The following HOMER2 variants were observed in gnomAD, a reference collection of about 807,000 sequenced individuals.
HOMER2 encodes homer protein homolog 2.
In HOMER2, 27 loss-of-function variants were observed where a neutral mutation model predicts 47.0. The ratio of observed to expected loss-of-function variants is 0.57; its 90% CI spans 0.42 to 0.79. The LOEUF is 0.79. HOMER2 is among the 30% of genes least tolerant of loss of function. The pLI is 0.00. For synonymous variants in HOMER2, 161 were observed against 163.8 expected (o/e 0.98, Z 0.13); for missense variants, 443 against 435.0 (o/e 1.02, Z -0.16).
chr15:82,952,205 G>T, intron 1 of HOMER2: 1 of 282,242 alleles, frequency 3.5e-6, no homozygotes, highest in Non-Finnish European at 5.3e-6. Context: ...ACTGCGCCCA[G>T]GGGCGAAGAG....
chr15:82,920,218 T>C (rs1199772963), intron 1 of HOMER2, among the ~76,000 whole-genome samples: 2 of 152,196 alleles, frequency 1.3e-5, no homozygotes. Context: ...CGCCATTGTT[T>C]TGCTGTTGTA....
chr15:82,941,424 CAG>C (rs2054263040), intron 1 of HOMER2, among the ~76,000 whole-genome samples: 1 of 111,754 alleles, frequency 8.9e-6, no homozygotes, highest in Non-Finnish European at 1.7e-5. Context: ...GCCTGGGCGA[CAG>C]AGTGAGAGTC....
intron 5 of HOMER2, among the ~76,000 whole-genome samples, chr15:82,857,256 T>C (rs558766613): frequency 1.0e-3 from 154 of 152,190 alleles, no homozygotes; most frequent in Non-Finnish European, 1.7e-3. Flanking sequence ...CTGTGGTCTA[T>C]GAACCAGGAA....
chr15:82,895,883 A>G (rs1322821644), intron 1 of HOMER2, among the ~76,000 whole-genome samples: 1 of 152,212 alleles, frequency 6.6e-6, no homozygotes, highest in Non-Finnish European at 1.5e-5. Flanking sequence ...GGAAGGGCCC[A>G]AGGGGCTCCA....
downstream of HOMER2, among the ~76,000 whole-genome samples, chr15:82,836,566 G>A (rs1177527337): frequency 6.6e-6 from 1 of 152,156 alleles, no homozygotes; most frequent in Non-Finnish European, 1.5e-5. Flanking sequence ...AGCCTTTTCC[G>A]CCAGGTCTTC....
At chr15:82,963,262 T>A (rs555416218) in intron 1 of HOMER2, among the ~76,000 whole-genome samples, 17 of 152,134 alleles carry the variant, frequency 1.1e-4, no homozygotes, top group African/African-American at 3.4e-4. Flanking sequence ...TTTTTTTTTT[T>A]AAGTTTTTGT....
At chr15:82,951,455 G>C (rs1029683434) in intron 1 of HOMER2, among the ~76,000 whole-genome samples, 1 of 152,236 alleles carries the variant, frequency 6.6e-6, no homozygotes, top group African/African-American at 2.4e-5. Flanking sequence ...GGCTGAGCCA[G>C]GGCACCAGGA....
chr15:82,839,179 A>G lies in HOMER2; in HGVS notation c.*8095T>C, dbSNP rs112898985. ...CCAATAGCCAGGCATATAAAGCTAC[A>G]TTCTCCTGCCTTCTCAGAAGGCTAG... On this transcript the variant is annotated 3_prime_UTR_variant, in exon 2 of 2. Coordinates refer to the HOMER2 transcript ENST00000558090. 5.3e-4 allele frequency: 80 copies of G among 152,352 alleles called. 1 individual carries two copies. Among genetic ancestry groups the G allele is most frequent in the African/African-American group, 1.9e-3 (77 of 41,572 alleles). 9.4% of individuals were successfully genotyped at this position (152,352 alleles called of 1,614,324 possible).
At chr15:82,878,274 T>C (rs2667384) in intron 2 of HOMER2, among the ~76,000 whole-genome samples, 63,880 of 151,926 alleles carry the variant, frequency 0.42, 13,806 homozygotes, top group East Asian at 0.62. Flanking sequence ...AGAATAACAA[T>C]GGTGATACCC....
chr15:82,844,717 A>G (rs2051215729), downstream of HOMER2: 1 of 152,018 alleles, frequency 6.6e-6, no homozygotes, highest in African/African-American at 2.4e-5. Context: ...AACAAAAAAC[A>G]GTACTCTTGG....
chr15:82,905,363 C>G (rs2053257806), intron 1 of HOMER2, among the ~76,000 whole-genome samples: 2 of 148,730 alleles, frequency 1.3e-5, no homozygotes, highest in African/African-American at 4.9e-5. Context: ...AATAAAAATA[C>G]TAGAAGGAGA....
Position 82,873,022 on chromosome 15 carries a change from A to G in HOMER2, c.294+2251T>C, listed in dbSNP as rs150486021. Among the ~76,000 whole-genome samples the G allele has an allele frequency of 3.3e-5, 5 of 152,344 alleles. No individual in the cohort carries two copies. The East Asian group carries it at 9.6e-4, about 29-fold the overall frequency. The stretch of plus-strand genomic sequence containing the variant: ...AGGAGGGGCTGTTCTATGGATACCC[A>G]GTCATTCACTTTCTCCAGGCAGCCT... On this transcript the variant is annotated intron_variant, in intron 3 of 8. Coordinates refer to ENST00000450735, the MANE Select transcript of HOMER2 (RefSeq NM_004839.4).
chr15:82,899,056 C>A (rs983558273), intron 1 of HOMER2, among the ~76,000 whole-genome samples: 1 of 152,220 alleles, frequency 6.6e-6, no homozygotes, highest in African/African-American at 2.4e-5. Flanking sequence ...ACTCTGCCTG[C>A]CCAGCTGCAA....
chr15:82,927,210 T>C (rs1254954627), intron 1 of HOMER2, among the ~76,000 whole-genome samples: 1 of 149,182 alleles, frequency 6.7e-6, no homozygotes, highest in Non-Finnish European at 1.5e-5. Context: ...CCCACAACAC[T>C]TACCACCTTC....
At chr15:82,957,899 G>A (rs1422039876), downstream of HOMER2, among the ~76,000 whole-genome samples, 11 of 152,148 alleles carry the variant, frequency 7.2e-5, no homozygotes, top group East Asian at 1.7e-3. Context: ...GTGCAGTGGC[G>A]CGACCTCCAC....
intron 1 of HOMER2, among the ~76,000 whole-genome samples, chr15:82,983,862 G>A (rs534570856): frequency 1.3e-5 from 2 of 152,030 alleles, no homozygotes. Flanking sequence ...AAAGTGCAGG[G>A]ATTACAGGAG....
intron 1 of HOMER2, among the ~76,000 whole-genome samples, chr15:82,928,226 A>G (rs2053905594): frequency 6.6e-6 from 1 of 152,064 alleles, no homozygotes; most frequent in South Asian, 2.1e-4. Flanking sequence ...CTCTCTTCCC[A>G]CTGGCGGCCA....
chr15:82,861,021 G>GA (rs369649346), intron 4 of HOMER2, among the ~76,000 whole-genome samples: 1 of 143,420 alleles, frequency 7.0e-6, no homozygotes, highest in Admixed American at 7.0e-5. Context: ...GAAAACAAAA[G>GA]AAAAAAAGAG....
Position 82,892,726 on chromosome 15 carries a change from T to C in HOMER2, c.121A>G (p.Thr41Ala), listed in dbSNP as rs199530235. The C allele has an allele frequency of 1.9e-6, 3 of 1,603,084 alleles. No individual in the cohort carries two copies. The highest frequency in any genetic ancestry group is 2.6e-6 in the Non-Finnish European group (3 of 1,172,286). Residue 41 changes from threonine (T) to alanine (A), a missense_variant, in exon 2 of 9, where the codon ACA becomes GCA. Physicochemically the swap from Thr to Ala is moderately conservative, Grantham distance 58. Transcript: ENST00000450735. ...AVTVSYFYDV[T>A]RNSYRIISVD... The stretch of plus-strand genomic sequence containing the variant: ...CTGATGATCCGATAGCTGTTCCTTG[T>C]GACATCATAGAAGTAGGAAACGGTG...
Sources: allele counts gnomAD v4.1 joint callset (sites outside exome capture counted in the v4.1 genomes callset), GRCh38; gene constraint gnomAD v4.1.1; transcripts MANE v1.5; gene names NCBI Gene and HGNC (gene_info 2026-07-23, HGNC 2026-07-21).